Variants in FRMD3 observed in about 807,000 individuals in gnomAD.
FRMD3 encodes the protein FERM domain containing 3, also known as FERM domain-containing protein 3.
FRMD3 carries 33 observed loss-of-function variants against 70.2 expected under a neutral mutation model. The observed-to-expected ratio is 0.47, with a 90% CI of 0.36 to 0.63. The LOEUF (loss-of-function observed/expected upper bound fraction) is 0.63, where lower values mean the gene tolerates loss of function less well. Among genes scored for constraint, FRMD3 ranks in the 20% least tolerant of loss-of-function variants. FRMD3 has a pLI of 0.00. For synonymous variants in FRMD3, 279 were observed against 255.9 expected (o/e 1.09, Z -0.86); for missense variants, 632 against 711.4 (o/e 0.89, Z 1.27).
chr9:83,528,034 C>T (rs771106573), intron 1 of FRMD3, among the ~76,000 whole-genome samples: 1 of 152,158 alleles, frequency 6.6e-6, no homozygotes, highest in Non-Finnish European at 1.5e-5. Context: ...TCCCAAAATG[C>T]CTACTCAGAA....
chr9:83,334,833 A>G (rs1189692813), intron 6 of FRMD3, among the ~76,000 whole-genome samples: 1 of 152,192 alleles, frequency 6.6e-6, no homozygotes, highest in East Asian at 1.9e-4. Flanking sequence ...GATACTTACT[A>G]GCTGCGTGAC....
chr9:83,352,433 T>C lies in FRMD3; in HGVS notation c.296-2676A>G, dbSNP rs189138376. On this transcript the variant is annotated intron_variant, in intron 3 of 13. Coordinates refer to ENST00000304195, the MANE Select transcript of FRMD3 (RefSeq NM_174938.6). ...AGCATCGGAGCTCCTCAGATACAAA[T>C]AGTGACTCACACTTGTTCCAAAGGA... Among the ~76,000 whole-genome samples, 114 of 152,244 alleles carry C rather than the reference T, an allele frequency of 7.5e-4. 1 individual carries two copies. Among genetic ancestry groups the C allele is most frequent in the Admixed American group, 1.0e-3 (16 of 15,300 alleles).
At chr9:83,513,896 G>A (rs1829394024) in intron 1 of FRMD3, among the ~76,000 whole-genome samples, 1 of 152,192 alleles carries the variant, frequency 6.6e-6, no homozygotes, top group Non-Finnish European at 1.5e-5. Flanking sequence ...GGGAAGCCCT[G>A]AGGGACTGTG....
chr9:83,538,318 G>A lies in FRMD3; in HGVS notation c.-87C>T, dbSNP rs546904093. On this transcript the variant is annotated 5_prime_UTR_variant, in exon 1 of 14. Transcript: ENST00000304195. The surrounding 1 kb of genome is among the most constrained non-coding windows in gnomAD (Gnocchi z 4.7). ...ACACACACGCTCGCACGCACTGTCC[G>A]GGACACCTGGGCGCGGCTCAGCCCC... The A allele has an allele frequency of 5.4e-6, 7 of 1,292,380 alleles. No homozygotes were observed. In the African/African-American group the frequency reaches 6.1e-5, roughly 11 times the overall value. The allele number at this position is 1,292,380 out of a possible 1,614,324, so 80.1% of individuals were successfully genotyped here.
chr9:83,499,510 T>C (rs1829015963), intron 1 of FRMD3, among the ~76,000 whole-genome samples: 1 of 152,220 alleles, frequency 6.6e-6, no homozygotes, highest in African/African-American at 2.4e-5. Context: ...CCTGCCTACC[T>C]GTGCAGTGCA....
chr9:83,264,808 G>C (rs576189590), intron 13 of FRMD3, among the ~76,000 whole-genome samples: 2 of 126,060 alleles, frequency 1.6e-5, no homozygotes, highest in African/African-American at 5.1e-5. Flanking sequence ...AACCAATTGT[G>C]GGGGGAGGGG....
chr9:83,244,980 G>A lies in FRMD3; in HGVS notation c.*2938C>T, dbSNP rs1305373445. ...ATATGTATTTGCCATATGTGTGTGTGTATTATATATATTTATTTATATCCA... is the reference window on the plus strand; with the variant it reads ...ATATGTATTTGCCATATGTGTGTGTATATTATATATATTTATTTATATCCA... On this transcript the variant is annotated 3_prime_UTR_variant, in exon 14 of 14. Coordinates refer to ENST00000304195, the MANE Select transcript of FRMD3 (RefSeq NM_174938.6). 3.1e-6 allele frequency: 3 copies of A among 979,034 alleles called. No individual in the cohort carries two copies. Among genetic ancestry groups the A allele is most frequent in the East Asian group, 1.1e-4 (1 of 8,792 alleles). 60.6% of individuals were successfully genotyped at this position (979,034 alleles called of 1,614,324 possible).
At chr9:83,369,976 C>A (rs1824918610) in intron 3 of FRMD3, among the ~76,000 whole-genome samples, 1 of 152,004 alleles carries the variant, frequency 6.6e-6, no homozygotes, top group South Asian at 2.1e-4. Flanking sequence ...AATAATAACG[C>A]CATGTTTGTT....
At chr9:83,516,707 A>G (rs904883255) in intron 1 of FRMD3, among the ~76,000 whole-genome samples, 2 of 152,204 alleles carry the variant, frequency 1.3e-5, no homozygotes, top group Non-Finnish European at 2.9e-5. Flanking sequence ...TCTAAAATCA[A>G]TCACATAATT....
intron 1 of FRMD3, among the ~76,000 whole-genome samples, chr9:83,469,518 A>G (rs1828214607): frequency 6.6e-6 from 1 of 152,246 alleles, no homozygotes; most frequent in Non-Finnish European, 1.5e-5. Flanking sequence ...CCTGGTGAGA[A>G]AAAGGAGTCA....
At chr9:83,281,961 T>C (rs1366846076) in intron 13 of FRMD3, among the ~76,000 whole-genome samples, 11 of 152,224 alleles carry the variant, frequency 7.2e-5, no homozygotes, top group African/African-American at 2.7e-4. Flanking sequence ...AAATATGTTG[T>C]CTCTTTTGAT....
rs1478165941 is a variant in FRMD3, at chr9:83,397,271, C to A, written c.148-7563G>T. Among the ~76,000 whole-genome samples the A allele has an allele frequency of 3.3e-5, 5 of 152,210 alleles. No individual in the cohort carries two copies. The East Asian group carries it at 9.6e-4, about 29-fold the overall frequency. ...CCGCCTTCCCTGTTGTCTTCCGCTT[C>A]TTCCATTTCCCTCAATTCCCTGATC... On this transcript the variant is annotated intron_variant, in intron 1 of 13. Coordinates refer to ENST00000304195, the MANE Select transcript of FRMD3 (RefSeq NM_174938.6).
At chr9:83,417,978 A>T (rs934567329) in intron 1 of FRMD3, among the ~76,000 whole-genome samples, 4 of 152,162 alleles carry the variant, frequency 2.6e-5, no homozygotes, top group African/African-American at 7.2e-5. Flanking sequence ...ATAATTTGAC[A>T]TGGGGAGAAA....
chr9:83,529,376 C>T (rs983118554), intron 1 of FRMD3, among the ~76,000 whole-genome samples: 1 of 152,066 alleles, frequency 6.6e-6, no homozygotes, highest in African/African-American at 2.4e-5. Context: ...CAGATTTATT[C>T]TGGGGTGATG....
intron 1 of FRMD3, among the ~76,000 whole-genome samples, chr9:83,398,081 T>C (rs528876470): frequency 9.2e-5 from 14 of 152,344 alleles, no homozygotes; most frequent in Non-Finnish European, 1.8e-4. Context: ...GATTGTAGCT[T>C]GATTGAACAA....
In FRMD3 at chr9:83,499,190, T is replaced by C. The variant is rs535750496; in HGVS notation, c.147+38895A>G. Among the ~76,000 whole-genome samples the C allele has an allele frequency of 2.0e-5, 3 of 152,222 alleles. No homozygotes were observed. The South Asian group carries it at 6.2e-4, about 32-fold the overall frequency. On this transcript the variant is annotated intron_variant, in intron 1 of 13. Transcript: ENST00000304195. ...AACAAAAATTCTGGGTGCAGTACTG[T>C]CCAAAATGACACTAGGATACACCTG...
At chr9:83,398,925 G>A (rs573604828) in intron 1 of FRMD3, among the ~76,000 whole-genome samples, 92 of 152,152 alleles carry the variant, frequency 6.0e-4, no homozygotes, top group African/African-American at 2.2e-3. Flanking sequence ...GTGAGCACTG[G>A]ATACAAAAAC....
At position 83,321,520 on chromosome 9, in the gene FRMD3, T is replaced by C. The variant is rs144783119; in HGVS notation, c.597-7773A>G. Among the ~76,000 whole-genome samples the C allele has an allele frequency of 1.1e-4, 17 of 152,376 alleles. No individual in the cohort carries two copies. In the East Asian group the frequency reaches 3.3e-3, roughly 29 times the overall value. On this transcript the variant is annotated intron_variant, in intron 6 of 13. Coordinates refer to ENST00000304195, the MANE Select transcript of FRMD3 (RefSeq NM_174938.6). The stretch of plus-strand genomic sequence containing the variant: ...CTCTTGGCAGTGATTTCTAGCTTTA[T>C]TCTGCTGTGGTCTGGGAAGATATTT...
At chr9:83,254,268 A>T (rs1455183033) in intron 13 of FRMD3, among the ~76,000 whole-genome samples, 1 of 151,932 alleles carries the variant, frequency 6.6e-6, no homozygotes, top group African/African-American at 2.4e-5. Context: ...GTATGATAAT[A>T]AAAAAAATAA....
Sources: gnomAD v4.1 joint callset for allele counts (sites outside exome capture counted in the v4.1 genomes callset) on GRCh38, gnomAD v4.1.1 for gene constraint, Gnocchi (gnomAD v3.1) non-coding constraint, MANE v1.5 for transcripts, NCBI Gene and HGNC (gene_info 2026-07-23, HGNC 2026-07-21) for gene names.